Variants in MPPED1 observed in about 807,000 individuals in gnomAD.
MPPED1 encodes metallophosphoesterase domain containing 1.
Under a neutral mutation model 36.2 loss-of-function variants are expected in MPPED1, and 16 were observed. The ratio of observed to expected loss-of-function variants is 0.44; its 90% CI spans 0.30 to 0.67. The LOEUF is 0.67. Ranked by LOEUF, MPPED1 falls within the 30% of genes least tolerant of loss-of-function variation. MPPED1 has a pLI of 0.10. For synonymous variants in MPPED1, 199 were observed against 191.3 expected (o/e 1.04, Z -0.33); for missense variants, 307 against 453.4 (o/e 0.68, Z 2.93).
intron 4 of MPPED1, among the ~76,000 whole-genome samples, chr22:43,478,410 TTCATGG>T (rs1931643334): frequency 6.6e-6 from 1 of 152,184 alleles, no homozygotes. Context: ...TGCTGCTGCC[TTCATGG>T]GGTTTACGTT....
chr22:43,444,123 T>TG (rs1311195344), intron 3 of MPPED1, among the ~76,000 whole-genome samples: 1 of 152,158 alleles, frequency 6.6e-6, no homozygotes, highest in Non-Finnish European at 1.5e-5. Flanking sequence ...CTAAGAAAGA[T>TG]GAAAAATCTA....
intron 4 of MPPED1, among the ~76,000 whole-genome samples, chr22:43,497,057 ATGGTGGTGGTGGAGG>A (rs1932433880): frequency 3.4e-5 from 1 of 29,116 alleles, no homozygotes; most frequent in Non-Finnish European, 7.1e-5. Flanking sequence ...GGTGGTGGAG[ATGGTGGTGGTGGAGG>A]TGGTGGTGGA....
At position 43,507,520 on chromosome 22, in the gene MPPED1, C is replaced by G. The variant is rs1487256821; in HGVS notation, c.*1904C>G. Reference sequence around the variant, plus strand: ...GTAGCCAGGGATGTTTATGAGGTCTCTCTGATGCCCCAGGCGCAGGACATG... The same window carrying G: ...GTAGCCAGGGATGTTTATGAGGTCTGTCTGATGCCCCAGGCGCAGGACATG... On this transcript the variant is annotated 3_prime_UTR_variant, in exon 7 of 7. Transcript: ENST00000443721. 1.3e-5 allele frequency: 2 copies of G among 152,192 alleles called. No homozygotes were observed. Among genetic ancestry groups the G allele is most frequent in the African/African-American group, 4.8e-5 (2 of 41,434 alleles). The allele number at this position is 152,192 out of a possible 1,614,324, so 9.4% of individuals were successfully genotyped here.
chr22:43,479,068 G>A (rs1001497424), intron 4 of MPPED1, among the ~76,000 whole-genome samples: 2 of 152,104 alleles, frequency 1.3e-5, no homozygotes, highest in Non-Finnish European at 2.9e-5. Flanking sequence ...AGTGGGGTGT[G>A]GGGGGGTTGT....
Position 43,412,120 on chromosome 22 carries a change from C to G in MPPED1, c.-117C>G. 1.0e-5 allele frequency: 10 copies of G among 979,204 alleles called. No individual in the cohort carries two copies. The highest frequency in any genetic ancestry group is 1.2e-5 in the Non-Finnish European group (10 of 827,568). The allele number at this position is 979,204 out of a possible 1,614,324, so 60.7% of individuals were successfully genotyped here. On this transcript the variant is annotated 5_prime_UTR_variant, in exon 1 of 7. Transcript: ENST00000443721. ...GCCTCCCTCGGTGCGCGCTGCTGCT[C>G]GCAGCCGCCGCGGCCGCCGAAGAGG...
intron 3 of MPPED1, among the ~76,000 whole-genome samples, chr22:43,442,889 G>A (rs926798210): frequency 1.3e-5 from 2 of 152,222 alleles, no homozygotes; most frequent in South Asian, 2.1e-4. Context: ...TAGATCTCTC[G>A]CCTCTCCCGC....
intron 2 of MPPED1, among the ~76,000 whole-genome samples, 192 bp downstream of exon 2, chr22:43,425,401 G>C (rs1929432233): frequency 6.6e-6 from 1 of 152,264 alleles, no homozygotes; most frequent in Non-Finnish European, 1.5e-5. Context: ...CAGATGGATG[G>C]CCTGTGGGCC....
rs1485858889 is a variant in MPPED1, at chr22:43,432,470, AGAGAGAAAGGGAG to A, written c.225-2544_225-2532del. On this transcript the variant is annotated intron_variant, in intron 2 of 6. Transcript: ENST00000443721. The stretch of plus-strand genomic sequence containing the variant: ...GAGGAGAGAGATAAAGAGAGGAGAG[AGAGAGAAAGGGAG>A]GAGAGAAAGGGAGGAGAGAGAGGGA... Among the ~76,000 whole-genome samples, 10 of 123,622 alleles carry A rather than the reference AGAGAGAAAGGGAG, an allele frequency of 8.1e-5. No homozygotes were observed. The South Asian group carries it at 1.3e-3, about 16-fold the overall frequency. 81.1% of individuals were successfully genotyped at this position (123,622 alleles called of 152,430 possible). A position where few individuals can be genotyped will look rare whatever the true frequency, so the allele number is the denominator to read the frequency against.
At chr22:43,451,251 C>A (rs1049131912) in intron 3 of MPPED1, among the ~76,000 whole-genome samples, 1 of 152,140 alleles carries the variant, frequency 6.6e-6, no homozygotes, top group South Asian at 2.1e-4. Flanking sequence ...GTGATCCACC[C>A]GCCTCGGCCT....
chr22:43,443,074 CAG>C (rs781642986), intron 3 of MPPED1, among the ~76,000 whole-genome samples: 27 of 152,230 alleles, frequency 1.8e-4, no homozygotes, highest in South Asian at 1.7e-3. Flanking sequence ...AAATAGCAAG[CAG>C]AGTGAAGAGA....
intron 4 of MPPED1, among the ~76,000 whole-genome samples, chr22:43,488,847 G>A (rs1045701129): frequency 6.6e-6 from 1 of 152,242 alleles, no homozygotes; most frequent in African/African-American, 2.4e-5. Flanking sequence ...CTCCTCAGGC[G>A]CTGTGGTGTG....
chr22:43,425,248 G>A (rs576118620), intron 2 of MPPED1, 39 bp downstream of exon 2: 69 of 1,520,120 alleles, frequency 4.5e-5, no homozygotes, highest in African/African-American at 9.6e-5. Context: ...GGGCGGTGAC[G>A]GCCCCCTGGG....
chr22:43,490,840 G>T (rs1246710432), intron 4 of MPPED1, among the ~76,000 whole-genome samples: 4 of 152,166 alleles, frequency 2.6e-5, no homozygotes, highest in Non-Finnish European at 5.9e-5. Flanking sequence ...TACCTGCCTG[G>T]TTCAGCCAGT....
intron 3 of MPPED1, among the ~76,000 whole-genome samples, chr22:43,457,262 C>T (rs1002434857): frequency 1.3e-5 from 2 of 152,092 alleles, no homozygotes; most frequent in South Asian, 4.1e-4. Context: ...AAATATTCTT[C>T]CTTTTCTCTA....
In MPPED1 at chr22:43,435,214, G is replaced by A; in HGVS notation, c.405G>A (p.Leu135=). ...AGGTGAAGAAGTTCAACGAGTGGCTGGGTAGGTCCCTCCTGCCCCGGGCGG... is the reference window on the plus strand; with the variant it reads ...AGGTGAAGAAGTTCAACGAGTGGCTAGGTAGGTCCCTCCTGCCCCGGGCGG... ...PSEVKKFNEW[L]GSLPYEYKIV... is the part of the protein sequence containing the mutation. Residue 135 remains leucine (L), a splice_region_variant and synonymous_variant, in exon 3 of 7, where the codon CTG becomes CTA. Transcript: ENST00000443721. The A allele has an allele frequency of 5.6e-6, 9 of 1,605,982 alleles. No homozygotes were observed. The highest frequency in any genetic ancestry group is 7.6e-6 in the Non-Finnish European group (9 of 1,179,534).
chr22:43,490,299 G>A (rs1250636361), intron 4 of MPPED1, among the ~76,000 whole-genome samples: 1 of 152,208 alleles, frequency 6.6e-6, no homozygotes, highest in Non-Finnish European at 1.5e-5. Context: ...TTCCAGACCC[G>A]CTGCCCTGTT....
At chr22:43,484,419 G>C (rs1292080865) in intron 4 of MPPED1, among the ~76,000 whole-genome samples, 1 of 152,144 alleles carries the variant, frequency 6.6e-6, no homozygotes, top group Non-Finnish European at 1.5e-5. Flanking sequence ...TCCTGGCCTT[G>C]GCCGTCCAGT....
At chr22:43,426,926 C>T (rs1601948910) in intron 2 of MPPED1, among the ~76,000 whole-genome samples, 3 of 152,186 alleles carry the variant, frequency 2.0e-5, no homozygotes, top group Non-Finnish European at 2.9e-5. Context: ...TGCCGCTCCT[C>T]GGTCTGTGAG....
chr22:43,501,453 C>G (rs1932732058), intron 5 of MPPED1, among the ~76,000 whole-genome samples: 1 of 152,048 alleles, frequency 6.6e-6, no homozygotes, highest in Admixed American at 6.6e-5. Flanking sequence ...TTCCTGCTCT[C>G]CAGACGCCCC....
Sources: allele counts gnomAD v4.1 joint callset (sites outside exome capture counted in the v4.1 genomes callset), GRCh38; gene constraint gnomAD v4.1.1; transcripts MANE v1.5; gene names NCBI Gene and HGNC (gene_info 2026-07-23, HGNC 2026-07-21).